Variants in ZFHX3 observed in about 807,000 individuals in gnomAD.
ZFHX3 encodes zinc finger homeobox 3.
A neutral mutation model predicts 279.1 loss-of-function variants in ZFHX3; 42 were observed. The observed-to-expected ratio is 0.15, with a 90% CI of 0.12 to 0.19. ZFHX3 has a LOEUF of 0.19. Ranked by LOEUF, ZFHX3 falls within the 10% of genes least tolerant of loss-of-function variation. ZFHX3 has a pLI of 1.00. For synonymous variants in ZFHX3, 2,293 were observed against 1,957.8 expected (o/e 1.17, Z -4.52); for missense variants, 4,981 against 4,754.0 (o/e 1.05, Z -1.40).
Position 73,651,714 on chromosome 16 carries a change from G to A in ZFHX3, c.-1547+28466C>T, listed in dbSNP as rs2052673542. Among the ~76,000 whole-genome samples, 6 of 143,838 alleles carry A rather than the reference G, an allele frequency of 4.2e-5. 2 individuals are homozygous for A. The highest frequency in any genetic ancestry group is 7.6e-5 in the Non-Finnish European group (5 of 66,022). 94.4% of individuals were successfully genotyped at this position (143,838 alleles called of 152,430 possible). On this transcript the variant is annotated intron_variant, in intron 2 of 17. Coordinates refer to the ZFHX3 transcript ENST00000641206. ...AAAAAAAAAAAAAAAAAAAAGCCGG[G>A]CGTGGTGGCAGGCTCCTGTAGTCCC... is the stretch of plus-strand genomic sequence containing the variant.
intron 1 of ZFHX3, among the ~76,000 whole-genome samples, chr16:73,693,277 T>G (rs993529927): frequency 2.0e-5 from 3 of 152,122 alleles, no homozygotes; most frequent in Non-Finnish European, 2.9e-5. Flanking sequence ...TCCAGAAAAT[T>G]TGCACATACA....
intron 1 of ZFHX3, among the ~76,000 whole-genome samples, chr16:73,870,810 C>G (rs1429798827): frequency 6.6e-6 from 1 of 152,198 alleles, no homozygotes; most frequent in Non-Finnish European, 1.5e-5. Flanking sequence ...AGGTATCAGG[C>G]AGCAACTCAG....
intron 1 of ZFHX3, among the ~76,000 whole-genome samples, chr16:73,731,325 C>T (rs1312756610): frequency 6.6e-6 from 1 of 152,034 alleles, no homozygotes; most frequent in Non-Finnish European, 1.5e-5. Context: ...AAGTCAAAAG[C>T]ACTGTGTATG....
intron 1 of ZFHX3, among the ~76,000 whole-genome samples, chr16:73,723,948 G>T (rs889452440): frequency 2.6e-5 from 4 of 152,170 alleles, no homozygotes; most frequent in African/African-American, 9.7e-5. Flanking sequence ...GGCAGCTTTG[G>T]CAGCATAGTA....
At chr16:73,717,063 G>C (rs954155941) in intron 1 of ZFHX3, among the ~76,000 whole-genome samples, 1 of 152,048 alleles carries the variant, frequency 6.6e-6, no homozygotes, top group Non-Finnish European at 1.5e-5. Context: ...AGAAGAAAAG[G>C]AAATTTGCAG....
At chr16:73,839,810 G>T (rs917961027) in intron 1 of ZFHX3, among the ~76,000 whole-genome samples, 1 of 152,138 alleles carries the variant, frequency 6.6e-6, no homozygotes, top group Non-Finnish European at 1.5e-5. Flanking sequence ...ACAGGTTCAC[G>T]ACTCCACCCA....
intron 1 of ZFHX3, among the ~76,000 whole-genome samples, chr16:73,780,406 C>T (rs1172590971): frequency 3.3e-5 from 5 of 150,948 alleles, no homozygotes; most frequent in African/African-American, 1.2e-4. Context: ...CCTCGGCCTC[C>T]CAAAGTGTTG....
chr16:73,847,002 C>T (rs1042302020), intron 1 of ZFHX3, among the ~76,000 whole-genome samples: 2 of 152,070 alleles, frequency 1.3e-5, no homozygotes, highest in African/African-American at 4.8e-5. Flanking sequence ...GATTGCAGGG[C>T]TTTAAAAGCC....
intron 5 of ZFHX3, among the ~76,000 whole-genome samples, chr16:73,169,388 G>A (rs61069838): frequency 0.11 from 16,431 of 152,080 alleles, 956 homozygotes; most frequent in Middle Eastern, 0.18. Flanking sequence ...AAATATGTAG[G>A]CCTGAAAGTC....
chr16:73,358,406 C>T (rs1486539963), intron 3 of ZFHX3, among the ~76,000 whole-genome samples: 2 of 152,210 alleles, frequency 1.3e-5, no homozygotes, highest in Admixed American at 6.5e-5. Flanking sequence ...GGAAACCGAG[C>T]GCAGCCTCTG....
At chr16:72,853,881 A>G (rs760992589) in intron 4 of ZFHX3, among the ~76,000 whole-genome samples, 31 of 152,068 alleles carry the variant, frequency 2.0e-4, no homozygotes, top group Non-Finnish European at 4.0e-4. Flanking sequence ...AGACTAATAA[A>G]GTGTAGCTGC....
At chr16:73,266,687 G>A (rs1269288346) in intron 4 of ZFHX3, among the ~76,000 whole-genome samples, 3 of 152,154 alleles carry the variant, frequency 2.0e-5, no homozygotes, top group Non-Finnish European at 4.4e-5. Flanking sequence ...ACTGGTGGGA[G>A]GTAACTGAAT....
intron 2 of ZFHX3, among the ~76,000 whole-genome samples, chr16:73,592,327 C>T (rs1364366427): frequency 6.6e-6 from 1 of 152,048 alleles, no homozygotes; most frequent in African/African-American, 2.4e-5. Context: ...AAAACATGTA[C>T]AGATTTTTTC....
intron 3 of ZFHX3, among the ~76,000 whole-genome samples, chr16:73,320,338 G>T (rs1597282679): frequency 6.6e-6 from 1 of 152,298 alleles, no homozygotes; most frequent in Non-Finnish European, 1.5e-5. Flanking sequence ...CAACCCATGA[G>T]CTGTGGCTAT....
chr16:72,958,959 G>C lies in ZFHX3; in HGVS notation c.1187C>G (p.Thr396Ser), dbSNP rs1189713693. ...GCCAAGGTTCAACAGGGTGCTGGGGGTCAAGAGACCAGCCTGGGGCTGCTC... is the reference window on the plus strand; with the variant it reads ...GCCAAGGTTCAACAGGGTGCTGGGGCTCAAGAGACCAGCCTGGGGCTGCTC... ...GPEQPQAGLL[T>S]PSTLLNLGGL... Residue 396 changes from threonine (T) to serine (S), a missense_variant, in exon 2 of 10, where the codon ACC (threonine) becomes AGC (serine). Physicochemically the swap from Thr to Ser is moderately conservative, Grantham distance 58. Coordinates refer to ENST00000268489, the MANE Select transcript of ZFHX3 (RefSeq NM_006885.4). 6.3e-7 allele frequency: 1 copy of C among 1,598,782 alleles called. No individual in the cohort carries two copies.
intron 2 of ZFHX3, among the ~76,000 whole-genome samples, chr16:73,542,865 T>C (rs927538818): frequency 2.0e-5 from 3 of 152,144 alleles, no homozygotes; most frequent in Admixed American, 2.0e-4. Flanking sequence ...CGTGTGTGTG[T>C]GTGTGTTGGG....
chr16:73,008,866 C>T (rs1276510267), intron 1 of ZFHX3, among the ~76,000 whole-genome samples: 3 of 151,876 alleles, frequency 2.0e-5, no homozygotes, highest in Non-Finnish European at 4.4e-5. Context: ...TCTGCAATCT[C>T]CAAGTTCAGA....
In ZFHX3 at chr16:73,539,996, G is replaced by C. The variant is rs188306331; in HGVS notation, c.-1546-83738C>G. ...TAAGGACATGTGTGCTATGAAAGCAGAGGTCTGTCTTCCAAATATGATCGC... is the reference window on the plus strand; with the variant it reads ...TAAGGACATGTGTGCTATGAAAGCACAGGTCTGTCTTCCAAATATGATCGC... On this transcript the variant is annotated intron_variant, in intron 2 of 17. Transcript: ENST00000641206. Among the ~76,000 whole-genome samples, 484 of 152,338 alleles carry C rather than the reference G, an allele frequency of 3.2e-3. 1 individual carries two copies. The highest frequency in any genetic ancestry group is 0.011 in the African/African-American group (447 of 41,582).
Position 73,823,030 on chromosome 16 carries a change from A to T in ZFHX3, c.-1608+68621T>A, listed in dbSNP as rs191893084. On this transcript the variant is annotated intron_variant, in intron 1 of 17. Transcript: ENST00000641206. Reference sequence around the variant, plus strand: ...AAGGATGTAACAGTAAGCACGTGGAAGCCGAATCCCTGCCCTTATGGAGCT... The same window carrying T: ...AAGGATGTAACAGTAAGCACGTGGATGCCGAATCCCTGCCCTTATGGAGCT... Among the ~76,000 whole-genome samples the T allele has an allele frequency of 5.9e-5, 9 of 152,334 alleles. No individual in the cohort carries two copies. The East Asian group carries it at 1.3e-3, about 23-fold the overall frequency.
Sources: gnomAD v4.1 joint callset for allele counts (sites outside exome capture counted in the v4.1 genomes callset) on GRCh38, gnomAD v4.1.1 for gene constraint, MANE v1.5 for transcripts, NCBI Gene and HGNC (gene_info 2026-07-23, HGNC 2026-07-21) for gene names.